The following CPNE1 variants were observed in gnomAD, a reference collection of about 807,000 sequenced individuals.
CPNE1 encodes copine-1.
Under a neutral mutation model 63.2 loss-of-function variants are expected in CPNE1, and 58 were observed. That is an observed-to-expected ratio of 0.92 (90% CI 0.74 to 1.14). CPNE1 has a LOEUF of 1.14. Ranked by LOEUF, CPNE1 falls within the 50% of genes most tolerant of loss-of-function variation. CPNE1 has a pLI of 0.00. For missense variants in CPNE1, 672 were observed against 661.7 expected, an observed-to-expected ratio of 1.02 and a Z score of -0.17; for synonymous variants, 237 against 249.0, an observed-to-expected ratio of 0.95 and a Z score of 0.45.
At chr20:35,630,376 C>T in intron 13 of CPNE1, 63 bp downstream of exon 13, 1 of 1,341,654 alleles carries the variant, frequency 7.5e-7, no homozygotes, top group Non-Finnish European at 1.1e-6. Flanking sequence ...CTCCCTTTTA[C>T]TCATGCAGGC....
intron 1 of CPNE1, chr20:35,652,793 G>A (rs369643645): frequency 2.6e-5 from 42 of 1,609,396 alleles, no homozygotes; most frequent in Non-Finnish European, 3.3e-5. Flanking sequence ...GCAAAGCCAG[G>A]GGGACCACCA....
At chr20:35,659,088 A>G in intron 1 of CPNE1, 2 of 604,754 alleles carry the variant, frequency 3.3e-6, no homozygotes, top group South Asian at 4.1e-5. Context: ...CACACTGTAC[A>G]TTACGAAGGC....
chr20:35,640,960 G>A (rs948360482), intron 1 of CPNE1, among the ~76,000 whole-genome samples: 1 of 152,138 alleles, frequency 6.6e-6, no homozygotes, highest in Non-Finnish European at 1.5e-5. Flanking sequence ...CGGGTGTTGC[G>A]AATGGAACAG....
Position 35,632,344 on chromosome 20 carries a change from CT to C in CPNE1, c.350del (p.Lys117SerfsTer18). On this transcript the variant is annotated frameshift_variant, in exon 4 of 16. Transcript: ENST00000397443. LOFTEE classifies it high-confidence loss of function. ...TCCCCCGCCCAGCAGGTTTTCCAGGCTTCAGCATCAAGGGGAGAGTCAGTAC... is the reference window on the plus strand; with the variant it reads ...TCCCCCGCCCAGCAGGTTTTCCAGGCTCAGCATCAAGGGGAGAGTCAGTAC... ...SQVLTLPLML[K>X]PGKPAGRGTI... 1.2e-6 allele frequency: 2 copies of C among 1,614,132 alleles called. No individual in the cohort carries two copies. The highest frequency in any genetic ancestry group is 1.7e-6 in the Non-Finnish European group (2 of 1,180,016).
chr20:35,664,588 G>C (rs2034433347), intron 1 of CPNE1, 172 bp downstream of exon 1: 1 of 152,352 alleles, frequency 6.6e-6, no homozygotes, highest in Admixed American at 6.5e-5. Flanking sequence ...CATCCTCTCA[G>C]ATCTCAGAGG....
At chr20:35,639,801 C>T (rs1276959001) in intron 1 of CPNE1, among the ~76,000 whole-genome samples, 1 of 152,202 alleles carries the variant, frequency 6.6e-6, no homozygotes, top group East Asian at 1.9e-4. Context: ...AAAGAGATGC[C>T]CTTGGTCTGG....
chr20:35,654,304 C>A, intron 1 of CPNE1: 1 of 1,614,182 alleles, frequency 6.2e-7, no homozygotes, highest in Non-Finnish European at 8.5e-7. Context: ...ATTATTTCGA[C>A]CTACATGATC....
chr20:35,651,473 G>A (rs922463762), intron 1 of CPNE1: 2 of 152,108 alleles, frequency 1.3e-5, no homozygotes, highest in South Asian at 2.1e-4. Context: ...ACCAGCATAC[G>A]GATCTTTTAT....
chr20:35,652,420 T>C (rs1290511287), intron 1 of CPNE1: 56 of 1,357,964 alleles, frequency 4.1e-5, no homozygotes, highest in Middle Eastern at 4.3e-4. Flanking sequence ...CTATATGCAA[T>C]TGAAACAATC....
At chr20:35,654,902 G>C in intron 1 of CPNE1, 1 of 1,614,064 alleles carries the variant, frequency 6.2e-7, no homozygotes, top group Non-Finnish European at 8.5e-7. Flanking sequence ...TTGCTTTCAT[G>C]AACAGAAGTG....
At chr20:35,652,785 A>T in intron 1 of CPNE1, 1 of 1,610,640 alleles carries the variant, frequency 6.2e-7, no homozygotes, top group Admixed American at 1.7e-5. Context: ...AACTAGATGC[A>T]AAGCCAGGGG....
chr20:35,631,704 G>C lies in CPNE1; in HGVS notation c.611C>G (p.Pro204Arg). 6.2e-7 allele frequency: 1 copy of C among 1,614,004 alleles called. No individual in the cohort carries two copies. The highest frequency in any genetic ancestry group is 1.3e-5 in the African/African-American group (1 of 74,982). Reference protein sequence around the residue: ...VPVQHFCGGNPSTPIQVQCSD... With the variant: ...VPVQHFCGGNRSTPIQVQCSD... ...GCTCCTCACCTGGATGGGTGTGCTG[G>C]GGTTCCCACCACAGAAATGCTGAAC... Residue 204 changes from proline (P) to arginine (R), a missense_variant, in exon 7 of 16, where the codon CCC becomes CGC. By Grantham distance (103) the Pro-to-Arg change is moderately radical. Coordinates refer to ENST00000397443, the MANE Select transcript of CPNE1 (RefSeq NM_152925.3).
intron 1 of CPNE1, chr20:35,664,366 C>T (rs113902711): frequency 6.6e-6 from 1 of 152,282 alleles, no homozygotes; most frequent in Non-Finnish European, 1.5e-5. Flanking sequence ...CACCTCCAGG[C>T]ACAGAGATGT....
chr20:35,627,566 A>G (rs1308041843), intron 13 of CPNE1, 153 bp from the exon 14 acceptor site: 1 of 660,904 alleles, frequency 1.5e-6, no homozygotes, highest in African/African-American at 1.9e-5. Context: ...TGTCTCCTAC[A>G]CATGAGGAAA....
At chr20:35,639,091 CAAA>C (rs907971518) in intron 1 of CPNE1, among the ~76,000 whole-genome samples, 13 of 88,714 alleles carry the variant, frequency 1.5e-4, no homozygotes, top group African/African-American at 4.9e-4. Context: ...TAAAATTTTA[CAAA>C]AAAAAAAAAC....
intron 1 of CPNE1, among the ~76,000 whole-genome samples, chr20:35,634,900 CA>C (rs1192275983): frequency 1.4e-5 from 2 of 146,132 alleles, no homozygotes; most frequent in Non-Finnish European, 3.0e-5. Context: ...TCACCACACC[CA>C]GCTATTTTTT....
intron 12 of CPNE1, 123 bp downstream of exon 12, chr20:35,630,618 C>T (rs1445269505): frequency 6.9e-7 from 1 of 1,456,638 alleles, no homozygotes. Context: ...TACGTGCCTG[C>T]AGGAATCCAA....
intron 1 of CPNE1, chr20:35,655,057 C>T (rs1483325456): frequency 5.0e-6 from 8 of 1,614,134 alleles, no homozygotes; most frequent in East Asian, 2.2e-5. Context: ...AGTTTCAAAA[C>T]GCCTACGACT....
Position 35,632,698 on chromosome 20 carries a change from T to A in CPNE1, c.130-2A>T. Reference sequence around the variant, plus strand: ...CCGCACCCGTTCAGTCCGGCCAAGCTGTGGGCAGAGGCCAGTAAGCATCAC... The same window carrying A: ...CCGCACCCGTTCAGTCCGGCCAAGCAGTGGGCAGAGGCCAGTAAGCATCAC... On this transcript the variant is annotated splice_acceptor_variant, in intron 2 of 15. Transcript: ENST00000397443. LOFTEE classifies it high-confidence loss of function. 1 of 968,042 alleles carries A rather than the reference T, an allele frequency of 1.0e-6. No homozygotes were observed. The highest frequency in any genetic ancestry group is 1.7e-6 in the Non-Finnish European group (1 of 589,038). The allele number at this position is 968,042 out of a possible 1,614,324, so 60.0% of individuals were successfully genotyped here. A position where few individuals can be genotyped will look rare whatever the true frequency, so the allele number is the denominator to read the frequency against.
Sources: allele counts gnomAD v4.1 joint callset (sites outside exome capture counted in the v4.1 genomes callset), GRCh38; gene constraint gnomAD v4.1.1; transcripts MANE v1.5; gene names NCBI Gene and HGNC (gene_info 2026-07-23, HGNC 2026-07-21).